Variants in SLC8A1 observed in about 807,000 individuals in gnomAD.
The protein encoded by SLC8A1 is solute carrier family 8 member A1.
A neutral mutation model predicts 68.3 loss-of-function variants in SLC8A1; 18 were observed. The observed-to-expected ratio is 0.26, with a 90% CI of 0.18 to 0.39. The LOEUF (loss-of-function observed/expected upper bound fraction) is 0.39. SLC8A1 is among the 10% of genes least tolerant of loss of function. SLC8A1 has a pLI of 1.00. For synonymous variants in SLC8A1, 475 were observed against 415.5 expected (o/e 1.14, Z -1.74); for missense variants, 985 against 1,156.7 (o/e 0.85, Z 2.15).
At chr2:40,417,905 C>T (rs1158015505) in intron 2 of SLC8A1, among the ~76,000 whole-genome samples, 2 of 106,384 alleles carry the variant, frequency 1.9e-5, no homozygotes, top group African/African-American at 5.0e-5. Context: ...AAGGTAAACG[C>T]ACAGAGTCAT....
At chr2:40,122,962 G>GA (rs144542462) in intron 7 of SLC8A1, among the ~76,000 whole-genome samples, 1 of 152,020 alleles carries the variant, frequency 6.6e-6, no homozygotes. Flanking sequence ...TTAAAGGAGA[G>GA]AAAAAAATGG....
intron 1 of SLC8A1, among the ~76,000 whole-genome samples, chr2:40,507,231 C>A (rs1706429399): frequency 6.6e-6 from 1 of 151,860 alleles, no homozygotes; most frequent in Non-Finnish European, 1.5e-5. Flanking sequence ...TCTTTACTTA[C>A]ATAATGTTGC....
exon 8 of SLC8A1, chr2:40,102,764 T>A (rs1353334701): frequency 1.3e-5 from 2 of 152,184 alleles, no homozygotes; most frequent in African/African-American, 4.8e-5. Flanking sequence ...TTTAAAAAGA[T>A]GGAAAAACCT....
intron 2 of SLC8A1, among the ~76,000 whole-genome samples, chr2:40,245,792 T>C (rs2061790029): frequency 6.6e-6 from 1 of 152,198 alleles, no homozygotes; most frequent in South Asian, 2.1e-4. Flanking sequence ...ATAGACATCA[T>C]GTTCAGTTTC....
intron 2 of SLC8A1, among the ~76,000 whole-genome samples, chr2:40,181,177 C>G (rs1337440291): frequency 1.3e-5 from 2 of 152,138 alleles, no homozygotes; most frequent in African/African-American, 2.4e-5. Context: ...CCAGGCTGGT[C>G]TGGAACTCCT....
intron 2 of SLC8A1, among the ~76,000 whole-genome samples, chr2:40,396,045 G>A (rs935630967): frequency 6.6e-6 from 1 of 152,086 alleles, no homozygotes; most frequent in African/African-American, 2.4e-5. Context: ...AAATGGGAAA[G>A]GGGTAAAAGG....
At chr2:40,156,703 G>C (rs747756086) in intron 6 of SLC8A1, among the ~76,000 whole-genome samples, 1 of 152,012 alleles carries the variant, frequency 6.6e-6, no homozygotes, top group Non-Finnish European at 1.5e-5. Context: ...TCTATTTCAA[G>C]CTGCGGCTCC....
At chr2:40,304,388 A>C (rs1273930069) in intron 2 of SLC8A1, among the ~76,000 whole-genome samples, 1 of 152,176 alleles carries the variant, frequency 6.6e-6, no homozygotes, top group Non-Finnish European at 1.5e-5. Context: ...CATTTCTGGA[A>C]TCCCTATGTT....
intron 2 of SLC8A1, among the ~76,000 whole-genome samples, chr2:40,288,596 G>C (rs2068716749): frequency 6.6e-6 from 1 of 152,104 alleles, no homozygotes; most frequent in Non-Finnish European, 1.5e-5. Flanking sequence ...CTGGGAGTCA[G>C]TTATGTATAC....
At chr2:40,195,162 C>CAGTT (rs2052718247) in intron 2 of SLC8A1, among the ~76,000 whole-genome samples, 1 of 151,968 alleles carries the variant, frequency 6.6e-6, no homozygotes, top group Admixed American at 6.6e-5. Context: ...AAGCAAAAAC[C>CAGTT]AGTTAGAAAG....
At chr2:40,435,902 A>G (rs994265641) in intron 1 of SLC8A1, among the ~76,000 whole-genome samples, 3 of 151,326 alleles carry the variant, frequency 2.0e-5, no homozygotes, top group African/African-American at 4.9e-5. Context: ...CAGCCTGCCA[A>G]GTAGCTGGGA....
intron 2 of SLC8A1, among the ~76,000 whole-genome samples, chr2:40,340,091 T>C (rs528885517): frequency 6.6e-6 from 1 of 152,328 alleles, no homozygotes; most frequent in Admixed American, 6.5e-5. Context: ...TTGTAGCTCA[T>C]ATCCTCATTA....
chr2:40,137,948 T>C (rs1448791633), intron 7 of SLC8A1, among the ~76,000 whole-genome samples: 1 of 152,138 alleles, frequency 6.6e-6, no homozygotes, highest in African/African-American at 2.4e-5. Context: ...TCTGGATACT[T>C]CATCCATGGT....
chr2:40,159,115 G>A (rs575567147), intron 6 of SLC8A1, among the ~76,000 whole-genome samples: 102 of 152,258 alleles, frequency 6.7e-4, no homozygotes, highest in Non-Finnish European at 1.2e-3. Flanking sequence ...TATTGATGGG[G>A]TCATCTCGGC....
At chr2:40,452,781 G>A (rs79702673), upstream of SLC8A1, among the ~76,000 whole-genome samples, 402 of 150,230 alleles carry the variant, frequency 2.7e-3, no homozygotes, top group Non-Finnish European at 3.4e-3. Context: ...GGTGTCCCCC[G>A]GCCAAGAACT....
chr2:40,205,779 C>T (rs917185011), intron 2 of SLC8A1, among the ~76,000 whole-genome samples: 1 of 144,690 alleles, frequency 6.9e-6, no homozygotes, highest in Non-Finnish European at 1.5e-5. Flanking sequence ...CAAACCTGCG[C>T]TTGTACATCT....
At chr2:40,154,357 G>A (rs189690216) in intron 6 of SLC8A1, among the ~76,000 whole-genome samples, 5 of 133,670 alleles carry the variant, frequency 3.7e-5, no homozygotes, top group Non-Finnish European at 7.7e-5. Context: ...AGGCTGGAGT[G>A]CAGTGTTGAG....
chr2:40,123,582 G>C (rs1311007637), intron 7 of SLC8A1, among the ~76,000 whole-genome samples: 2 of 152,044 alleles, frequency 1.3e-5, no homozygotes, highest in African/African-American at 4.8e-5. Flanking sequence ...CATTTGGGCT[G>C]TCTTTATAGT....
At chr2:40,343,573 A>G (rs1225034657) in intron 2 of SLC8A1, among the ~76,000 whole-genome samples, 1 of 152,220 alleles carries the variant, frequency 6.6e-6, no homozygotes, top group African/African-American at 2.4e-5. Flanking sequence ...TCAGCCTTGT[A>G]TGTATTAGGA....
Sources: gnomAD v4.1 joint callset for allele counts (sites outside exome capture counted in the v4.1 genomes callset) on GRCh38, gnomAD v4.1.1 for gene constraint, MANE v1.5 for transcripts, NCBI Gene and HGNC (gene_info 2026-07-23, HGNC 2026-07-21) for gene names.